The following UBA6 variants were observed in gnomAD, a reference collection of about 807,000 sequenced individuals.
The protein encoded by UBA6 is ubiquitin like modifier activating enzyme 6, also known as ubiquitin-like modifier-activating enzyme 6.
Under a neutral mutation model 148.3 loss-of-function variants are expected in UBA6, and 87 were observed. The observed-to-expected ratio is 0.59, with a 90% confidence interval of 0.49 to 0.70. The LOEUF is 0.70. Ranked by LOEUF, UBA6 falls within the 30% of genes least tolerant of loss-of-function variation. UBA6 has a pLI of 0.00. For missense variants in UBA6, 1,186 were observed against 1,241.2 expected (o/e 0.96, Z 0.67); for synonymous variants, 376 against 401.0 (o/e 0.94, Z 0.75).
At chr4:67,631,686 A>G (rs1420874371) in intron 25 of UBA6, 22 bp downstream of exon 25, 1 of 1,562,140 alleles carries the variant, frequency 6.4e-7, no homozygotes, top group Admixed American at 1.7e-5. Context: ...AAGGATACAT[A>G]AAACTAAATA....
chr4:67,623,358 ATAATATATCTTC>A (rs1363559933), intron 30 of UBA6, 136 bp from the exon 31 acceptor site: 1 of 620,928 alleles, frequency 1.6e-6, no homozygotes, highest in Non-Finnish European at 2.9e-6. Context: ...GAAATAAAGG[ATAATATATCTTC>A]TAAAATATTC....
intron 19 of UBA6, among the ~76,000 whole-genome samples, chr4:67,637,566 A>T (rs565596317): frequency 1.9e-3 from 292 of 152,326 alleles, no homozygotes; most frequent in Admixed American, 5.4e-3. Context: ...TAGACATACG[A>T]GACTCCATTT....
At chr4:67,684,841 C>T (rs538157183) in intron 2 of UBA6, among the ~76,000 whole-genome samples, 3 of 152,244 alleles carry the variant, frequency 2.0e-5, no homozygotes, top group Admixed American at 2.0e-4. Context: ...TTACTATGCA[C>T]CACATGTTGT....
chr4:67,662,278 C>T, intron 12 of UBA6, 23 bp from the exon 13 acceptor site: 1 of 1,605,396 alleles, frequency 6.2e-7, no homozygotes, highest in African/African-American at 1.3e-5. Flanking sequence ...ACAGAACACC[C>T]TAACTTTAAT....
chr4:67,678,311 T>A (rs1017456935), intron 5 of UBA6, 128 bp downstream of exon 5: 15 of 452,564 alleles, frequency 3.3e-5, no homozygotes, highest in Non-Finnish European at 5.4e-5. Flanking sequence ...CATAAAAATA[T>A]CTTTACCTGT....
chr4:67,634,301 T>G lies in UBA6; in HGVS notation c.1954A>C (p.Lys652Gln). 6.3e-7 allele frequency: 1 copy of G among 1,595,598 alleles called. No individual in the cohort carries two copies. Among genetic ancestry groups the G allele is most frequent in the Admixed American group, 1.8e-5 (1 of 55,208 alleles). Residue 652 changes from lysine (K) to glutamine (Q), a missense_variant, in exon 22 of 33, where the codon AAA (lysine) becomes CAA (glutamine). By Grantham distance (53) the Lys-to-Gln change is moderately conservative. Transcript: ENST00000322244. Reference sequence around the variant, plus strand: ...CAAAATTTGTTAAACAATGAAGGTTTGTGGGAAAAGGAACTTTCAAACTGT... The same window carrying G: ...CAAAATTTGTTAAACAATGAAGGTTGGTGGGAAAAGGAACTTTCAAACTGT... ...RDKFESSFSH[K>Q]PSLFNKFWQT... is the part of the protein sequence containing the mutation.
At chr4:67,637,792 C>T (rs987974952) in intron 19 of UBA6, among the ~76,000 whole-genome samples, 57 of 152,096 alleles carry the variant, frequency 3.7e-4, no homozygotes, top group Admixed American at 6.5e-5. Flanking sequence ...CCCAGGGACA[C>T]AAACACTGCG....
intron 29 of UBA6, 134 bp from the exon 30 acceptor site, chr4:67,624,387 T>C (rs1728819556): frequency 1.4e-6 from 1 of 692,814 alleles, no homozygotes; most frequent in Non-Finnish European, 2.2e-6. Context: ...TATAGTAATA[T>C]AAATTTCTTA....
intron 7 of UBA6, among the ~76,000 whole-genome samples, chr4:67,671,510 G>A (rs1187436099): frequency 6.6e-6 from 1 of 151,212 alleles, no homozygotes; most frequent in Non-Finnish European, 1.5e-5. Context: ...TAACTCTAAA[G>A]AGCATATAAA....
In UBA6 at chr4:67,663,890, G is replaced by A. The variant is rs767765101; in HGVS notation, c.955C>T (p.Pro319Ser). ...CCTGCAAAGTGTTTATTTACCTCAG[G>A]GTTGCTAAAATCCACAATAAGGCAC... ...PKCLIVDFSNPEAPLEIHTAM... is the reference protein window; with the variant it reads ...PKCLIVDFSNSEAPLEIHTAM... The change falls in exon 11 of 33, where the codon CCT (proline) becomes TCT (serine). Residue 319 changes from proline (P) to serine (S), a missense_variant. Pro to Ser is a moderately conservative substitution (Grantham distance 74). Coordinates refer to ENST00000322244, the MANE Select transcript of UBA6 (RefSeq NM_018227.6). 8 of 1,612,852 alleles carry A rather than the reference G, an allele frequency of 5.0e-6. No individual in the cohort carries two copies. The African/African-American group carries it at 6.7e-5, about 13-fold the overall frequency.
At chr4:67,629,546 A>G (rs909731121) in intron 26 of UBA6, among the ~76,000 whole-genome samples, 1 of 152,002 alleles carries the variant, frequency 6.6e-6, no homozygotes. Flanking sequence ...AAATAAGTAA[A>G]TGGAATTCAT....
intron 23 of UBA6, among the ~76,000 whole-genome samples, chr4:67,632,829 G>GT (rs113887101): frequency 0.023 from 3,482 of 150,942 alleles, 107 homozygotes; most frequent in East Asian, 0.11. Context: ...CTGTTTTTTT[G>GT]TTTTTTTTTA....
chr4:67,691,960 G>A (rs557502250), intron 2 of UBA6, among the ~76,000 whole-genome samples: 13 of 152,268 alleles, frequency 8.5e-5, no homozygotes, highest in South Asian at 4.1e-4. Context: ...GAGAAAAAGC[G>A]AAGTCATTAT....
intron 2 of UBA6, among the ~76,000 whole-genome samples, chr4:67,687,851 G>C (rs72848576): frequency 1.3e-3 from 195 of 152,126 alleles, no homozygotes; most frequent in African/African-American, 4.3e-3. Context: ...CCCACATGAC[G>C]CAAGTTTACA....
At position 67,682,144 on chromosome 4, in the gene UBA6, C is replaced by T. The variant is rs1211891328; in HGVS notation, c.204G>A (p.Gly68=). The T allele has an allele frequency of 1.2e-6, 2 of 1,613,844 alleles. No homozygotes were observed. Among genetic ancestry groups the T allele is most frequent in the Non-Finnish European group, 8.5e-7 (1 of 1,179,798 alleles). The change falls in exon 3 of 33, where the codon GGG becomes GGA. Residue 68 remains glycine (G), a synonymous_variant. Coordinates refer to ENST00000322244, the MANE Select transcript of UBA6 (RefSeq NM_018227.6). Reference sequence around the variant, plus strand: ...CAATTTCCAAACCAAGACCACCCATCCCACTTAAGAAAACATGGGACTTGG... The same window carrying T: ...CAATTTCCAAACCAAGACCACCCATTCCACTTAAGAAAACATGGGACTTGG... ...KMAKSHVFLS[G]MGGLGLEIAK...
Position 67,677,715 on chromosome 4 carries a change from C to A in UBA6, c.361G>T (p.Ala121Ser). The change falls in exon 6 of 33, where the codon GCT (alanine) becomes TCT (serine). Residue 121 changes from alanine (A) to serine (S), a missense_variant. Transcript: ENST00000322244. Reference sequence around the variant, plus strand: ...AGTTCTGCAATATGTTTAAGTACAGCTTCAGCCCTAAAAAAATAAAATAAA... The same window carrying A: ...AGTTCTGCAATATGTTTAAGTACAGATTCAGCCCTAAAAAAATAAAATAAA... ...DVVNKRNRAEAVLKHIAELNP... is the reference protein window; with the variant it reads ...DVVNKRNRAESVLKHIAELNP... The A allele has an allele frequency of 6.4e-7, 1 of 1,553,758 alleles. No homozygotes were observed. The highest frequency in any genetic ancestry group is 1.2e-5 in the South Asian group (1 of 85,510).
chr4:67,663,007 T>C, intron 12 of UBA6, 132 bp downstream of exon 12: 1 of 529,608 alleles, frequency 1.9e-6, no homozygotes, highest in South Asian at 4.9e-5. Flanking sequence ...AAAGTCATAA[T>C]AAATGTTTGC....
intron 22 of UBA6, 24 bp downstream of exon 22, chr4:67,634,215 TTTG>T: frequency 2.0e-6 from 3 of 1,478,378 alleles, no homozygotes; most frequent in Non-Finnish European, 2.8e-6. Flanking sequence ...AAGTGTTAAG[TTTG>T]TATTAAAATT....
At chr4:67,667,432 CA>C (rs1730032479) in intron 9 of UBA6, among the ~76,000 whole-genome samples, 2 of 151,424 alleles carry the variant, frequency 1.3e-5, no homozygotes, top group Non-Finnish European at 2.9e-5. Flanking sequence ...GTTTTGTTAC[CA>C]AAAATACTTA....
Sources: allele counts gnomAD v4.1 joint callset (sites outside exome capture counted in the v4.1 genomes callset), GRCh38; gene constraint gnomAD v4.1.1; transcripts MANE v1.5; gene names NCBI Gene and HGNC (gene_info 2026-07-23, HGNC 2026-07-21).